Variants in CSF1 observed in about 807,000 individuals in gnomAD.
CSF1 encodes the protein colony stimulating factor 1.
In CSF1, 9 loss-of-function variants were observed where a neutral mutation model predicts 48.9. That is an observed-to-expected ratio of 0.18 (90% CI 0.11 to 0.32). The LOEUF is 0.32. Ranked by LOEUF, CSF1 falls within the 10% of genes least tolerant of loss-of-function variation. CSF1 has a pLI of 1.00. For missense variants in CSF1, 672 were observed against 697.9 expected (o/e 0.96, Z 0.42); for synonymous variants, 305 against 284.1 (o/e 1.07, Z -0.74).
chr1:109,910,941 CG>C lies in CSF1; in HGVS notation c.-79del. The C allele has an allele frequency of 1.0e-6, 1 of 959,380 alleles. No individual in the cohort carries two copies. The highest frequency in any genetic ancestry group is 1.3e-6 in the Non-Finnish European group (1 of 792,748). 59.4% of individuals were successfully genotyped at this position (959,380 alleles called of 1,614,324 possible). The stretch of plus-strand genomic sequence containing the variant: ...CCAGGACAGCGGTGCGGCCCTCGGC[CG>C]GGGCGCCCACTCCGCAGCAGCCAGC... On this transcript the variant is annotated 5_prime_UTR_variant, in exon 1 of 9. Coordinates refer to ENST00000329608, the MANE Select transcript of CSF1 (RefSeq NM_000757.6).
At position 109,919,315 on chromosome 1, in the gene CSF1, T is replaced by C. The variant is rs1647403901; in HGVS notation, c.396+1852T>C. Among the ~76,000 whole-genome samples, 3 of 152,174 alleles carry C rather than the reference T, an allele frequency of 2.0e-5. No individual in the cohort carries two copies. In the South Asian group the frequency reaches 6.2e-4, roughly 32 times the overall value. On this transcript the variant is annotated intron_variant, in intron 4 of 8. Coordinates refer to ENST00000329608, the MANE Select transcript of CSF1 (RefSeq NM_000757.6). ...GTTCAGCGGCGCAATCACGACTCAC[T>C]GCAGCCCAACCTCCCAGGCTCAATT... is the stretch of plus-strand genomic sequence containing the variant.
Position 109,915,656 on chromosome 1 carries a change from C to T in CSF1, c.185C>T (p.Ser62Leu), listed in dbSNP as rs1405726512. 4 of 1,613,812 alleles carry T rather than the reference C, an allele frequency of 2.5e-6. No homozygotes were observed. Among genetic ancestry groups the T allele is most frequent in the South Asian group, 1.1e-5 (1 of 91,080 alleles). The change falls in exon 3 of 9, where the codon TCG becomes TTG. Residue 62 changes from serine (S) to leucine (L), a missense_variant. Coordinates refer to ENST00000329608, the MANE Select transcript of CSF1 (RefSeq NM_000757.6). ...CAGATTGACAGTCAGATGGAGACCT[C>T]GTGCCAAATTACATTTGAGTTTGTA... ...QRLIDSQMET[S>L]CQITFEFVDQ...
chr1:109,914,195 GC>G, intron 1 of CSF1, 63 bp from the exon 2 acceptor site: 1 of 1,501,518 alleles, frequency 6.7e-7, no homozygotes, highest in South Asian at 1.4e-5. Context: ...TCTGCGTTGA[GC>G]AGGGCATGGG....
chr1:109,920,283 G>A (rs932082902), intron 4 of CSF1, among the ~76,000 whole-genome samples: 4 of 152,100 alleles, frequency 2.6e-5, no homozygotes, highest in Non-Finnish European at 5.9e-5. Context: ...CAGTGACCAA[G>A]TAAACTGCCG....
At chr1:109,924,722 C>T in intron 6 of CSF1, 54 bp from the exon 7 acceptor site, 1 of 1,512,594 alleles carries the variant, frequency 6.6e-7, no homozygotes, top group South Asian at 1.2e-5. Flanking sequence ...GGATGGGCCA[C>T]CGCCCCCCCA....
chr1:109,914,541 A>T (rs1654818918), intron 2 of CSF1, among the ~76,000 whole-genome samples, 160 bp downstream of exon 2: 2 of 152,238 alleles, frequency 1.3e-5, no homozygotes, highest in South Asian at 4.1e-4. Context: ...ACCCTTCACT[A>T]ACCTTCCCAA....
intron 4 of CSF1, among the ~76,000 whole-genome samples, chr1:109,918,078 T>C (rs1347053710): frequency 6.6e-6 from 1 of 152,118 alleles, no homozygotes; most frequent in Non-Finnish European, 1.5e-5. Flanking sequence ...CAGACTTCCA[T>C]GGAGTTGGGG....
At chr1:109,916,490 C>T (rs1052060470) in intron 3 of CSF1, among the ~76,000 whole-genome samples, 2 of 152,168 alleles carry the variant, frequency 1.3e-5, no homozygotes, top group Non-Finnish European at 2.9e-5. Context: ...CCTCCCCATT[C>T]CCTGCTTCTT....
chr1:109,927,167 T>C (rs1570804498), intron 8 of CSF1, among the ~76,000 whole-genome samples: 2 of 152,376 alleles, frequency 1.3e-5, no homozygotes, highest in South Asian at 2.1e-4. Flanking sequence ...GCTGGTTGGC[T>C]GACTAGCTGG....
chr1:109,924,956 A>G, intron 7 of CSF1, 128 bp downstream of exon 7: 1 of 1,056,328 alleles, frequency 9.5e-7, no homozygotes, highest in Non-Finnish European at 1.4e-6. Context: ...GATGGGGGAG[A>G]GAAGAAGGGC....
In CSF1 at chr1:109,924,113, T is replaced by G; in HGVS notation, c.1492T>G (p.Phe498Val). The G allele has an allele frequency of 6.2e-7, 1 of 1,614,196 alleles. No individual in the cohort carries two copies. The highest frequency in any genetic ancestry group is 8.5e-7 in the Non-Finnish European group (1 of 1,180,034). ...CAGCCCGCAGCTCCAGGAGTCTGTC[T>G]TCCACCTGCTGGTGCCCAGTGTCAT... is the stretch of plus-strand genomic sequence containing the variant. ...SFSPQLQESV[F>V]HLLVPSVILV... Residue 498 changes from phenylalanine to valine, a missense_variant, in exon 6 of 9, where the codon TTC becomes GTC. Coordinates refer to ENST00000329608, the MANE Select transcript of CSF1 (RefSeq NM_000757.6).
At position 109,911,077 on chromosome 1, in the gene CSF1, C is replaced by A. The variant is rs943291313; in HGVS notation, c.39+15C>A. ...GCCCTCCCACGGTAAGCGACGGCCG[C>A]GGCGCTGGGCCCGGGACGGGCTGGG... is the stretch of plus-strand genomic sequence containing the variant. On this transcript the variant is annotated intron_variant, in intron 1 of 8. Transcript: ENST00000329608. The A allele has an allele frequency of 9.4e-7, 1 of 1,064,554 alleles. No individual in the cohort carries two copies. Among genetic ancestry groups the A allele is most frequent in the Non-Finnish European group, 1.1e-6 (1 of 883,638 alleles). 65.9% of individuals were successfully genotyped at this position (1,064,554 alleles called of 1,614,324 possible).
chr1:109,923,361 G>A lies in CSF1; in HGVS notation c.740G>A (p.Gly247Asp). The A allele has an allele frequency of 1.2e-6, 2 of 1,612,684 alleles. No homozygotes were observed. Among genetic ancestry groups the A allele is most frequent in the South Asian group, 1.1e-5 (1 of 90,842 alleles). Reference sequence around the variant, plus strand: ...CAGCCCCTGCACACAGTGGATCCAGGCAGTGCCAAGCAGCGGCCACCCAGG... The same window carrying A: ...CAGCCCCTGCACACAGTGGATCCAGACAGTGCCAAGCAGCGGCCACCCAGG... ...GEQPLHTVDP[G>D]SAKQRPPRST... The change falls in exon 6 of 9, where the codon GGC (glycine) becomes GAC (aspartate). Residue 247 changes from glycine (G) to aspartate (D), a missense_variant. Gly to Asp is a moderately conservative substitution (Grantham distance 94, BLOSUM62 -1). Coordinates refer to ENST00000329608, the MANE Select transcript of CSF1 (RefSeq NM_000757.6).
Position 109,923,458 on chromosome 1 carries a change from G to A in CSF1, c.837G>A (p.Gln279=), listed in dbSNP as rs1249107236. Residue 279 remains glutamine (Q), a synonymous_variant, in exon 6 of 9, where the codon CAG becomes CAA. Coordinates refer to ENST00000329608, the MANE Select transcript of CSF1 (RefSeq NM_000757.6). ...VKDSTIGGSP[Q]PRPSVGAFNP... ...ACAGCACCATCGGTGGCTCACCACA[G>A]CCTCGCCCCTCTGTCGGGGCCTTCA... is the stretch of plus-strand genomic sequence containing the variant. 1 of 1,614,136 alleles carries A rather than the reference G, an allele frequency of 6.2e-7. No homozygotes were observed. Among genetic ancestry groups the A allele is most frequent in the East Asian group, 2.2e-5 (1 of 44,878 alleles).
At chr1:109,922,584 G>T (rs140158570) in intron 5 of CSF1, 3 of 154,066 alleles carry the variant, frequency 1.9e-5, no homozygotes, top group Admixed American at 1.3e-4. Flanking sequence ...CGTGCCACAC[G>T]TGCCCTCCTA....
chr1:109,921,902 A>G lies in CSF1; in HGVS notation c.452A>G (p.Asn151Ser), dbSNP rs747532766. The change falls in exon 5 of 9, where the codon AAT becomes AGT. Residue 151 changes from asparagine (N) to serine (S), a missense_variant. Asn to Ser is a conservative substitution (Grantham distance 46). Coordinates refer to ENST00000329608, the MANE Select transcript of CSF1 (RefSeq NM_000757.6). ...TPLQLLEKVK[N>S]VFNETKNLLD... ...CTCCAGTTGCTGGAGAAGGTCAAGA[A>G]TGTCTTTAATGAAACAAAGAATCTC... 6.2e-7 allele frequency: 1 copy of G among 1,612,028 alleles called. No homozygotes were observed. Among genetic ancestry groups the G allele is most frequent in the African/African-American group, 1.3e-5 (1 of 75,030 alleles).
At position 109,925,164 on chromosome 1, in the gene CSF1, A is replaced by T; in HGVS notation, c.1640A>T (p.Asp547Val). 4 of 1,613,962 alleles carry T rather than the reference A, an allele frequency of 2.5e-6. No individual in the cohort carries two copies. The highest frequency in any genetic ancestry group is 3.4e-6 in the Non-Finnish European group (4 of 1,179,946). Reference protein sequence around the residue: ...QPEGSPLTQDDRQVELPV With the variant: ...QPEGSPLTQDVRQVELPV ...GCCTGCAGCCCCCTGACTCAGGATG[A>T]CAGACAGGTGGAACTGCCAGTGTAG... is the stretch of plus-strand genomic sequence containing the variant. The change falls in exon 8 of 9, where the codon GAC (aspartate) becomes GTC (valine). Residue 547 changes from aspartate (D) to valine (V), a missense_variant. This residue lies in a region of CSF1 where 591 missense variants were observed against 593.6 expected (regional missense o/e 1.00). Transcript: ENST00000329608.
At chr1:109,913,347 C>T (rs1006409028) in intron 1 of CSF1, among the ~76,000 whole-genome samples, 3 of 152,122 alleles carry the variant, frequency 2.0e-5, no homozygotes, top group African/African-American at 7.2e-5. Context: ...GAAAGAAAGC[C>T]CAAGAGTCTG....
intron 2 of CSF1, 53 bp downstream of exon 2, chr1:109,914,434 G>T (rs1654815738): frequency 6.6e-7 from 1 of 1,523,910 alleles, no homozygotes; most frequent in Non-Finnish European, 8.8e-7. Context: ...GGAAATGAAG[G>T]CAGGAGCCAG....
Sources: allele counts gnomAD v4.1 joint callset (sites outside exome capture counted in the v4.1 genomes callset), GRCh38; gene constraint gnomAD v4.1.1; regional missense constraint gnomAD v4.1.1; transcripts MANE v1.5; gene names NCBI Gene and HGNC (gene_info 2026-07-23, HGNC 2026-07-21).